SPECC1: variants seen among roughly 807,000 people sequenced by gnomAD.
The protein encoded by SPECC1 is sperm antigen with calponin homology and coiled-coil domains 1, also known as cytospin-B.
SPECC1 carries 62 observed loss-of-function variants against 104.1 expected under a neutral mutation model. That is an observed-to-expected ratio of 0.60 (90% CI 0.49 to 0.74). The LOEUF (loss-of-function observed/expected upper bound fraction) is 0.74, where lower values mean the gene tolerates loss of function less well. Ranked by LOEUF, SPECC1 falls within the 30% of genes least tolerant of loss-of-function variation. The pLI is 0.00. For missense variants in SPECC1, 1,306 were observed against 1,310.5 expected (o/e 1.00, Z 0.05); for synonymous variants, 513 against 501.6 (o/e 1.02, Z -0.30).
At chr17:20,216,291 G>T (rs2037485659) in intron 4 of SPECC1, among the ~76,000 whole-genome samples, 1 of 152,058 alleles carries the variant, frequency 6.6e-6, no homozygotes, top group Non-Finnish European at 1.5e-5. Flanking sequence ...CTTCCTCTTT[G>T]CAGGAGCACT....
At position 20,314,774 on chromosome 17, in the gene SPECC1, C is replaced by G. The variant is rs2142272470; in HGVS notation, c.*709C>G. ...CTGGAAACGTGCGTGCGCACTCAGC[C>G]TTTTGGGGAAAAATGGGAGTTCTAG... On this transcript the variant is annotated 3_prime_UTR_variant, in exon 15 of 15. Coordinates refer to ENST00000395527, the MANE Select transcript of SPECC1 (RefSeq NM_001243439.2). 1 of 223,476 alleles carries G rather than the reference C, an allele frequency of 4.5e-6. No homozygotes were observed. The highest frequency in any genetic ancestry group is 2.3e-5 in the African/African-American group (1 of 44,188). 13.8% of individuals were successfully genotyped at this position (223,476 alleles called of 1,614,324 possible).
At chr17:20,127,381 C>G (rs967268430) in intron 3 of SPECC1, among the ~76,000 whole-genome samples, 1 of 151,488 alleles carries the variant, frequency 6.6e-6, no homozygotes, top group Non-Finnish European at 1.5e-5. Flanking sequence ...TAGTATTGGT[C>G]CAAAAATCAG....
chr17:20,129,489 G>C (rs546087375), intron 3 of SPECC1, among the ~76,000 whole-genome samples: 2 of 151,514 alleles, frequency 1.3e-5, no homozygotes, highest in Admixed American at 6.6e-5. Context: ...CGCCCAGCCA[G>C]ATTTCTTTTT....
chr17:20,257,334 A>G (rs2039868602), intron 10 of SPECC1, 117 bp from the exon 11 acceptor site: 3 of 1,201,822 alleles, frequency 2.5e-6, no homozygotes, highest in Non-Finnish European at 3.4e-6. Context: ...TTCAGAAACT[A>G]TATATATGTT....
intron 3 of SPECC1, among the ~76,000 whole-genome samples, chr17:20,126,964 G>A (rs2049342520): frequency 6.6e-6 from 1 of 152,180 alleles, no homozygotes; most frequent in Admixed American, 6.5e-5. Context: ...TAAAGTATGT[G>A]TGTATTTGGT....
At chr17:20,222,497 C>T (rs1001284604) in intron 4 of SPECC1, among the ~76,000 whole-genome samples, 1 of 152,104 alleles carries the variant, frequency 6.6e-6, no homozygotes, top group Non-Finnish European at 1.5e-5. Context: ...CAGATTAAGT[C>T]TGATATTTCT....
Position 20,057,144 on chromosome 17 carries a change from A to G in SPECC1, c.-21-39487A>G, listed in dbSNP as rs561692305. Among the ~76,000 whole-genome samples the G allele has an allele frequency of 1.3e-4, 20 of 152,272 alleles. No homozygotes were observed. The East Asian group carries it at 3.7e-3, about 28-fold the overall frequency. On this transcript the variant is annotated intron_variant, in intron 1 of 14. Coordinates refer to ENST00000395527, the MANE Select transcript of SPECC1 (RefSeq NM_001243439.2). ...GCTGAGTTAACAAGCATATCAAACT[A>G]AAAAACAGAAAGGTTGGCCGGGTGC...
At chr17:20,145,683 G>A (rs2031386721) in intron 3 of SPECC1, among the ~76,000 whole-genome samples, 2 of 152,200 alleles carry the variant, frequency 1.3e-5, no homozygotes. Flanking sequence ...CACTAGCAAG[G>A]AAAATGGAAT....
At chr17:20,055,803 T>C (rs2045940808) in intron 1 of SPECC1, among the ~76,000 whole-genome samples, 1 of 152,226 alleles carries the variant, frequency 6.6e-6, no homozygotes, top group Non-Finnish European at 1.5e-5. Flanking sequence ...GTGTTCCCTT[T>C]TCTCTTTATG....
intron 12 of SPECC1, among the ~76,000 whole-genome samples, chr17:20,283,480 C>T (rs182069439): frequency 4.5e-4 from 69 of 152,198 alleles, no homozygotes; most frequent in African/African-American, 1.6e-3. Flanking sequence ...GATATTTTAC[C>T]GTTTTTATTT....
intron 4 of SPECC1, among the ~76,000 whole-genome samples, chr17:20,213,968 A>G (rs1307740325): frequency 2.6e-5 from 4 of 152,200 alleles, no homozygotes; most frequent in African/African-American, 7.2e-5. Flanking sequence ...CAATTGTGCA[A>G]CCATCACTAC....
chr17:20,218,764 T>C (rs558576405), intron 4 of SPECC1, among the ~76,000 whole-genome samples: 8 of 152,322 alleles, frequency 5.3e-5, no homozygotes, highest in Middle Eastern at 3.4e-3. Context: ...TTTTATTAAC[T>C]ATATTGTATC....
chr17:20,218,441 C>T (rs778373005), intron 4 of SPECC1, among the ~76,000 whole-genome samples: 1 of 152,182 alleles, frequency 6.6e-6, no homozygotes. Flanking sequence ...TTTCAAGCTT[C>T]AGAGCACAAC....
intron 4 of SPECC1, among the ~76,000 whole-genome samples, chr17:20,220,458 C>T (rs1598012604): frequency 6.6e-6 from 1 of 151,874 alleles, no homozygotes; most frequent in Non-Finnish European, 1.5e-5. Context: ...TTTCTTGATT[C>T]CTTTTTCAGA....
intron 3 of SPECC1, among the ~76,000 whole-genome samples, chr17:20,157,571 C>T (rs574909622): frequency 6.6e-6 from 1 of 152,230 alleles, no homozygotes; most frequent in South Asian, 2.1e-4. Context: ...TAGTTACATG[C>T]TTGTCCAGGT....
intron 1 of SPECC1, among the ~76,000 whole-genome samples, chr17:20,083,927 T>C (rs1235671197): frequency 6.6e-6 from 1 of 152,242 alleles, no homozygotes; most frequent in Non-Finnish European, 1.5e-5. Flanking sequence ...TTAGCCATTC[T>C]AGTAGGTGTG....
intron 7 of SPECC1, among the ~76,000 whole-genome samples, chr17:20,241,577 T>A (rs948927287): frequency 6.6e-6 from 1 of 152,188 alleles, no homozygotes; most frequent in East Asian, 1.9e-4. Flanking sequence ...TAGCAGAAAT[T>A]CTTCAGAATC....
chr17:20,204,007 C>T (rs994703791), intron 3 of SPECC1, among the ~76,000 whole-genome samples: 2 of 152,180 alleles, frequency 1.3e-5, no homozygotes, highest in Non-Finnish European at 2.9e-5. Flanking sequence ...ACTCTGGTCC[C>T]GTGGTGTTTA....
chr17:20,231,906 A>C, intron 6 of SPECC1, 75 bp downstream of exon 6: 3 of 1,457,608 alleles, frequency 2.1e-6, no homozygotes, highest in Admixed American at 1.7e-5. Flanking sequence ...CACTCTCTCT[A>C]TCCTGCTTTC....
Sources: gnomAD v4.1 joint callset for allele counts (sites outside exome capture counted in the v4.1 genomes callset) on GRCh38, gnomAD v4.1.1 for gene constraint, MANE v1.5 for transcripts, NCBI Gene and HGNC (gene_info 2026-07-23, HGNC 2026-07-21) for gene names.